PATL2: variants seen among roughly 807,000 people sequenced by gnomAD.
PATL2 encodes protein PAT1 homolog 2.
Under a neutral mutation model 77.0 loss-of-function variants are expected in PATL2, and 73 were observed. That is an observed-to-expected ratio of 0.95 (90% CI 0.78 to 1.15). PATL2 has a LOEUF of 1.15. PATL2 is among the 50% of genes most tolerant of loss of function. PATL2 has a pLI of 0.00. For synonymous variants in PATL2, 265 were observed against 257.1 expected (o/e 1.03, Z -0.29); for missense variants, 618 against 655.4 (o/e 0.94, Z 0.62).
chr15:44,703,723 CTTTTTTTTTTTTTTTT>C (rs933165876), intron 3 of PATL2, among the ~76,000 whole-genome samples: 17 of 33,006 alleles, frequency 5.2e-4, no homozygotes, highest in African/African-American at 1.1e-3. Context: ...CCGGGTCTTG[CTTTTTTTTTTTTTTTT>C]TTTTTTTTTT....
chr15:44,676,015 CTAAG>C (rs998718156), intron 4 of PATL2: 4 of 349,498 alleles, frequency 1.1e-5, no homozygotes, highest in Non-Finnish European at 2.1e-5. Context: ...GACCCTGTCT[CTAAG>C]TAAAAAATTT....
chr15:44,679,151 C>G (rs2086069936), intron 3 of PATL2, among the ~76,000 whole-genome samples: 1 of 152,172 alleles, frequency 6.6e-6, no homozygotes, highest in Non-Finnish European at 1.5e-5. Context: ...CAACCTCCAC[C>G]TCCTGTGTTC....
At chr15:44,702,985 A>G (rs2086660796) in intron 3 of PATL2, among the ~76,000 whole-genome samples, 1 of 152,134 alleles carries the variant, frequency 6.6e-6, no homozygotes, top group African/African-American at 2.4e-5. Context: ...GTAAATATCT[A>G]TTAGATCTGG....
chr15:44,679,263 C>T (rs2086072936), intron 3 of PATL2, among the ~76,000 whole-genome samples: 1 of 146,796 alleles, frequency 6.8e-6, no homozygotes, highest in African/African-American at 2.5e-5. Context: ...CAGAGTCTTG[C>T]TCTGTCAGCC....
At chr15:44,696,686 C>T (rs999541263) in intron 3 of PATL2, among the ~76,000 whole-genome samples, 15 of 151,904 alleles carry the variant, frequency 9.9e-5, no homozygotes, top group African/African-American at 3.6e-4. Flanking sequence ...TTTTTTTCCC[C>T]CTCCAAGGTA....
intron 3 of PATL2, among the ~76,000 whole-genome samples, chr15:44,708,174 C>T (rs775349316): frequency 6.6e-6 from 1 of 152,180 alleles, no homozygotes; most frequent in Admixed American, 6.5e-5. Flanking sequence ...TTCAGTGATA[C>T]GAAGTTAAAA....
rs2085780437 is a variant in PATL2 at position 44,673,270 on chromosome 15, G to A, written c.411C>T (p.Phe137=). 3 of 1,551,690 alleles carry A rather than the reference G, an allele frequency of 1.9e-6. No individual in the cohort carries two copies. Reference sequence around the variant, plus strand: ...GGGGCCACGAGGTCAGCAGGCTGCAGAAGAGAGTTGGGTCTGGTGAGGGCA... The same window carrying A: ...GGGGCCACGAGGTCAGCAGGCTGCAAAAGAGAGTTGGGTCTGGTGAGGGCA... ...PRLPSPDPTL[F]CSLLTSWPPR... Residue 137 remains phenylalanine, a synonymous_variant, in exon 7 of 18, where the codon TTC becomes TTT. Transcript: ENST00000682850.
chr15:44,671,132 A>G (rs1310245808), intron 9 of PATL2, among the ~76,000 whole-genome samples: 1 of 152,218 alleles, frequency 6.6e-6, no homozygotes, highest in Non-Finnish European at 1.5e-5. Flanking sequence ...AAAAATACCT[A>G]ATGTAAATGA....
chr15:44,697,662 G>A (rs1296345114), intron 3 of PATL2, among the ~76,000 whole-genome samples: 2 of 151,756 alleles, frequency 1.3e-5, no homozygotes, highest in Non-Finnish European at 2.9e-5. Context: ...TCTTGCCCTG[G>A]TCTCCAAAGC....
chr15:44,695,458 T>TAA (rs1223274325), intron 3 of PATL2, among the ~76,000 whole-genome samples: 1 of 152,098 alleles, frequency 6.6e-6, no homozygotes, highest in African/African-American at 2.4e-5. Flanking sequence ...AAGGGGAAAG[T>TAA]TCATTTGCAT....
intron 3 of PATL2, among the ~76,000 whole-genome samples, chr15:44,705,811 GT>G (rs371254036): frequency 7.4e-6 from 1 of 135,392 alleles, no homozygotes; most frequent in South Asian, 2.2e-4. Flanking sequence ...TCAAAACATT[GT>G]TTTTTTTTAG....
At chr15:44,674,122 C>T in intron 6 of PATL2, 28 bp downstream of exon 6, 2 of 1,520,028 alleles carry the variant, frequency 1.3e-6, no homozygotes, top group Non-Finnish European at 1.8e-6. Flanking sequence ...CCTCACTACC[C>T]ACAGTATGGA....
rs977968900 is a variant in PATL2, at chr15:44,669,178, T to C, written c.1065-39A>G. ...AGGAGAACATTTTCAGAGCTCTGCA[T>C]AGAGGAGAGGGCTACATGCCACAAA... On this transcript the variant is annotated intron_variant, in intron 13 of 17. Transcript: ENST00000682850. 6 of 1,523,334 alleles carry C rather than the reference T, an allele frequency of 3.9e-6. No homozygotes were observed. The African/African-American group carries it at 4.1e-5, about 10-fold the overall frequency. The allele number at this position is 1,523,334 out of a possible 1,614,324, so 94.4% of individuals were successfully genotyped here. A position where few individuals can be genotyped will look rare whatever the true frequency, so the allele number is the denominator to read the frequency against.
chr15:44,686,331 G>A (rs535645889), intron 3 of PATL2, among the ~76,000 whole-genome samples: 2 of 152,218 alleles, frequency 1.3e-5, no homozygotes, highest in Admixed American at 6.5e-5. Flanking sequence ...CAATATTAAG[G>A]CAGAAATAAA....
At chr15:44,679,593 A>G (rs1257430069) in intron 3 of PATL2, among the ~76,000 whole-genome samples, 1 of 107,432 alleles carries the variant, frequency 9.3e-6, no homozygotes, top group Non-Finnish European at 1.8e-5. Flanking sequence ...GGCTTTTGCC[A>G]TGTTGGCCAG....
chr15:44,669,148 G>A lies in PATL2; in HGVS notation c.1065-9C>T. On this transcript the variant is annotated splice_polypyrimidine_tract_variant and intron_variant, in intron 13 of 17. Transcript: ENST00000682850. ...AGCCATCTGCTGCCTCTCTGCAAGG[G>A]AGAGAGGAGAACATTTTCAGAGCTC... 1 of 1,529,792 alleles carries A rather than the reference G, an allele frequency of 6.5e-7. No individual in the cohort carries two copies. Among genetic ancestry groups the A allele is most frequent in the South Asian group, 1.2e-5 (1 of 82,090 alleles). 94.8% of individuals were successfully genotyped at this position (1,529,792 alleles called of 1,614,324 possible).
chr15:44,668,945 G>C, intron 14 of PATL2, 35 bp downstream of exon 14: 1 of 1,496,216 alleles, frequency 6.7e-7, no homozygotes, highest in Non-Finnish European at 9.0e-7. Context: ...ACCTATTCAG[G>C]AGACCATCCT....
intron 3 of PATL2, chr15:44,676,829 C>T (rs149588547): frequency 1.5e-5 from 17 of 1,130,960 alleles, no homozygotes; most frequent in Middle Eastern, 4.0e-4. Context: ...CACCAGTCAC[C>T]GTCCGAGTGT....
intron 17 of PATL2, among the ~76,000 whole-genome samples, 186 bp downstream of exon 17, chr15:44,666,206 G>T (rs1468081841): frequency 1.3e-5 from 2 of 152,054 alleles, no homozygotes; most frequent in Non-Finnish European, 2.9e-5. Context: ...AAAGCACCTG[G>T]AATAAAAGGT....
Sources: gnomAD v4.1 joint callset for allele counts (sites outside exome capture counted in the v4.1 genomes callset) on GRCh38, gnomAD v4.1.1 for gene constraint, MANE v1.5 for transcripts, NCBI Gene and HGNC (gene_info 2026-07-23, HGNC 2026-07-21) for gene names.